Variants in CAMK4 observed in about 807,000 individuals in gnomAD.
CAMK4 encodes the protein calcium/calmodulin-dependent protein kinase type IV.
Under a neutral mutation model 44.9 loss-of-function variants are expected in CAMK4, and 22 were observed. That is an observed-to-expected ratio of 0.49 (90% CI 0.35 to 0.70). The LOEUF is 0.70. Ranked by LOEUF, CAMK4 falls within the 30% of genes least tolerant of loss-of-function variation. The pLI is 0.01. For missense variants in CAMK4, 498 were observed against 586.8 expected (o/e 0.85, Z 1.56); for synonymous variants, 218 against 215.4 (o/e 1.01, Z -0.11).
intron 2 of CAMK4, among the ~76,000 whole-genome samples, chr5:111,353,186 T>A (rs1729328400): frequency 6.6e-6 from 1 of 152,070 alleles, no homozygotes; most frequent in African/African-American, 2.4e-5. Flanking sequence ...GAACTTTACA[T>A]ACACTATTGC....
chr5:111,479,758 A>G (rs980944863), intron 9 of CAMK4, among the ~76,000 whole-genome samples: 1 of 152,070 alleles, frequency 6.6e-6, no homozygotes, highest in Non-Finnish European at 1.5e-5. Flanking sequence ...CTTTTCCAGC[A>G]TGAGTGGGAA....
intron 7 of CAMK4, among the ~76,000 whole-genome samples, chr5:111,471,401 A>T (rs544930402): frequency 7.9e-5 from 12 of 152,306 alleles, no homozygotes; most frequent in African/African-American, 2.9e-4. Flanking sequence ...ACATTGTCTT[A>T]TCCCTTCTTA....
chr5:111,231,132 T>A (rs1346014333), intron 1 of CAMK4, among the ~76,000 whole-genome samples: 1 of 152,170 alleles, frequency 6.6e-6, no homozygotes, highest in Non-Finnish European at 1.5e-5. Flanking sequence ...GAAGGCATAG[T>A]ATTAGCACAT....
intron 1 of CAMK4, among the ~76,000 whole-genome samples, chr5:111,233,670 TCTAA>T (rs1389789149): frequency 3.9e-5 from 6 of 152,244 alleles, no homozygotes; most frequent in Admixed American, 2.6e-4. Context: ...AAGATTTTCC[TCTAA>T]CTAGTAAAGT....
intron 7 of CAMK4, among the ~76,000 whole-genome samples, chr5:111,465,012 G>T (rs1754772534): frequency 1.3e-5 from 2 of 152,162 alleles, no homozygotes; most frequent in South Asian, 4.1e-4. Context: ...GACAGCTTTA[G>T]TTGTTAGAAT....
chr5:111,406,255 T>TA (rs1161296212), intron 5 of CAMK4, among the ~76,000 whole-genome samples: 1 of 151,076 alleles, frequency 6.6e-6, no homozygotes, highest in Non-Finnish European at 1.5e-5. Flanking sequence ...AGTCTTGCTC[T>TA]TGTCACCCAG....
intron 5 of CAMK4, among the ~76,000 whole-genome samples, chr5:111,425,198 C>A (rs1046211760): frequency 6.6e-6 from 1 of 151,678 alleles, no homozygotes; most frequent in Non-Finnish European, 1.5e-5. Flanking sequence ...ACATCCCTGA[C>A]GTGAGTCAGT....
At chr5:111,233,257 CTCTT>C (rs1207475703) in intron 1 of CAMK4, among the ~76,000 whole-genome samples, 1 of 152,204 alleles carries the variant, frequency 6.6e-6, no homozygotes, top group Non-Finnish European at 1.5e-5. Flanking sequence ...CCTTTAGTCT[CTCTT>C]TCACTTTGAA....
At chr5:111,295,942 A>G (rs942987951) in intron 1 of CAMK4, among the ~76,000 whole-genome samples, 1 of 152,236 alleles carries the variant, frequency 6.6e-6, no homozygotes, top group Admixed American at 6.5e-5. Flanking sequence ...TACGTAGTTG[A>G]ACATAGTGAA....
chr5:111,273,714 TATATAC>T (rs1450883844), intron 1 of CAMK4, among the ~76,000 whole-genome samples: 33 of 57,002 alleles, frequency 5.8e-4, no homozygotes, highest in African/African-American at 2.6e-3. Context: ...TATATATATA[TATATAC>T]ACACACATAC....
At position 111,490,813 on chromosome 5, in the gene CAMK4, T is replaced by G. The variant is rs765904374; in HGVS notation, c.*6347T>G. On this transcript the variant is annotated 3_prime_UTR_variant, in exon 11 of 11. Transcript: ENST00000282356. ...TCCTCTATAAGCCAAAAGAACGTTG[T>G]AACATATCCATTTATTAAGGAGTTA... The G allele has an allele frequency of 1.3e-5, 2 of 152,202 alleles. No homozygotes were observed. Among genetic ancestry groups the G allele is most frequent in the Non-Finnish European group, 2.9e-5 (2 of 68,022 alleles). The allele number at this position is 152,202 out of a possible 1,614,324, so 9.4% of individuals were successfully genotyped here. A position where few individuals can be genotyped will look rare whatever the true frequency, so the allele number is the denominator to read the frequency against.
At chr5:111,376,825 A>C (rs1424238885) in intron 3 of CAMK4, 35 bp from the exon 4 acceptor site, 1 of 1,276,970 alleles carries the variant, frequency 7.8e-7, no homozygotes, top group Non-Finnish European at 1.1e-6. Context: ...GGAATAAGAA[A>C]TTTGTGATAT....
intron 8 of CAMK4, among the ~76,000 whole-genome samples, chr5:111,477,880 G>A (rs1755300797): frequency 1.3e-5 from 2 of 152,032 alleles, no homozygotes; most frequent in Non-Finnish European, 2.9e-5. Context: ...ATAGAATAGG[G>A]CAGAATAAAA....
chr5:111,290,181 C>T lies in CAMK4; in HGVS notation c.162-53843C>T, dbSNP rs761475862. Among the ~76,000 whole-genome samples, 33 of 152,108 alleles carry T rather than the reference C, an allele frequency of 2.2e-4. No individual in the cohort carries two copies. Among genetic ancestry groups the T allele is most frequent in the Non-Finnish European group, 4.1e-4 (28 of 68,036 alleles). The stretch of plus-strand genomic sequence containing the variant: ...TGTTTTGGAGTATAGACGCCTGCTC[C>T]CCTACCCATAAAAATTTTCCTTGAG... On this transcript the variant is annotated intron_variant, in intron 1 of 10. Transcript: ENST00000282356. The surrounding 1 kb of genome is among the most constrained non-coding windows in gnomAD (Gnocchi z 4.5).
chr5:111,229,647 C>A (rs939211160), intron 1 of CAMK4, among the ~76,000 whole-genome samples: 2 of 152,198 alleles, frequency 1.3e-5, no homozygotes, highest in African/African-American at 4.8e-5. Flanking sequence ...GGCCCCATGG[C>A]CTATCTGGGT....
chr5:111,254,978 C>T (rs1749677795), intron 1 of CAMK4, among the ~76,000 whole-genome samples: 1 of 151,828 alleles, frequency 6.6e-6, no homozygotes, highest in Non-Finnish European at 1.5e-5. Flanking sequence ...AGTAGCATCA[C>T]AGTGAGCTCA....
chr5:111,424,736 C>G (rs188098474), intron 5 of CAMK4, among the ~76,000 whole-genome samples: 2 of 151,838 alleles, frequency 1.3e-5, no homozygotes, highest in Admixed American at 6.6e-5. Context: ...CGTGAGCCAC[C>G]GCGTCCAGCC....
intron 7 of CAMK4, among the ~76,000 whole-genome samples, chr5:111,467,384 A>AAAAAAAAAAAAAAAAAAAAT: frequency 6.7e-6 from 1 of 150,048 alleles, no homozygotes; most frequent in Non-Finnish European, 1.5e-5. Flanking sequence ...AAAAAAAAAA[A>AAAAAAAAAAAAAAAAAAAAT]AAAAAAAAAA....
At chr5:111,375,528 A>G (rs1361865069) in intron 3 of CAMK4, among the ~76,000 whole-genome samples, 1 of 152,154 alleles carries the variant, frequency 6.6e-6, no homozygotes, top group African/African-American at 2.4e-5. Flanking sequence ...ACTTCAAGAA[A>G]GCATTTTTGC....
Sources: allele counts gnomAD v4.1 joint callset (sites outside exome capture counted in the v4.1 genomes callset), GRCh38; gene constraint gnomAD v4.1.1; non-coding constraint Gnocchi (gnomAD v3.1); transcripts MANE v1.5; gene names NCBI Gene and HGNC (gene_info 2026-07-23, HGNC 2026-07-21).